Variants in STMN3 observed in about 807,000 individuals in gnomAD.
The protein encoded by STMN3 is stathmin 3.
A neutral mutation model predicts 23.2 loss-of-function variants in STMN3; 24 were observed. The observed-to-expected ratio is 1.03, with a 90% CI of 0.75 to 1.45. The LOEUF (loss-of-function observed/expected upper bound fraction) is 1.45. Ranked by LOEUF, STMN3 falls within the 40% of genes most tolerant of loss-of-function variation. The pLI, the probability that STMN3 is intolerant of heterozygous loss-of-function variation, is 0.00. For synonymous variants in STMN3, 117 were observed against 103.4 expected (o/e 1.13, Z -0.80); for missense variants, 235 against 237.6 (o/e 0.99, Z 0.07).
At chr20:63,645,978 G>A (rs1179406736) in intron 1 of STMN3, among the ~76,000 whole-genome samples, 1 of 151,932 alleles carries the variant, frequency 6.6e-6, no homozygotes, top group African/African-American at 2.4e-5. Context: ...AGAGAGAGAG[G>A]AAGAAAGGAA....
intron 1 of STMN3, among the ~76,000 whole-genome samples, chr20:63,650,126 C>A (rs1245932262): frequency 1.9e-5 from 2 of 107,140 alleles, no homozygotes; most frequent in African/African-American, 7.6e-5. Context: ...CCGCGCCTGG[C>A]CCCCCGCAGT....
intron 4 of STMN3, among the ~76,000 whole-genome samples, 182 bp downstream of exon 4, chr20:63,641,926 C>CTG (rs2089768160): frequency 7.7e-6 from 1 of 130,176 alleles, no homozygotes; most frequent in Non-Finnish European, 1.7e-5. Flanking sequence ...GAGCTCCGCC[C>CTG]CGGCCCCGCC....
At position 63,652,507 on chromosome 20, in the gene STMN3, G is replaced by A; in HGVS notation, c.19+820C>T. On this transcript the variant is annotated intron_variant, in intron 1 of 4. Transcript: ENST00000370053. The surrounding 1 kb of genome is among the most constrained non-coding windows in gnomAD (Gnocchi z 5.3). ...GCGTCCAGAATCCGCCCCCCGCCCG[G>A]GCCTGCGCCCGCCCCTCCGCCTGAG... is the stretch of plus-strand genomic sequence containing the variant. 1 of 924,420 alleles carries A rather than the reference G, an allele frequency of 1.1e-6. No individual in the cohort carries two copies. Among genetic ancestry groups the A allele is most frequent in the South Asian group, 5.0e-5 (1 of 20,074 alleles). 57.3% of individuals were successfully genotyped at this position (924,420 alleles called of 1,614,324 possible). A position where few individuals can be genotyped will look rare whatever the true frequency, so the allele number is the denominator to read the frequency against.
At chr20:63,641,779 C>A (rs983314564) in intron 4 of STMN3, among the ~76,000 whole-genome samples, 1 of 151,776 alleles carries the variant, frequency 6.6e-6, no homozygotes, top group Non-Finnish European at 1.5e-5. Context: ...GCCCCCGACC[C>A]CCACCCCAGC....
At chr20:63,651,709 C>G (rs575181407) in intron 1 of STMN3, among the ~76,000 whole-genome samples, 7 of 152,354 alleles carry the variant, frequency 4.6e-5, no homozygotes. Flanking sequence ...GAGGTGCCAG[C>G]ACCGTCATCT....
At chr20:63,651,030 GCTCA>G (rs2089855003) in intron 1 of STMN3, among the ~76,000 whole-genome samples, 1 of 150,112 alleles carries the variant, frequency 6.7e-6, no homozygotes, top group Non-Finnish European at 1.5e-5. Context: ...CACAATCTCA[GCTCA>G]CTGCAACCTC....
Position 63,640,837 on chromosome 20 carries a change from G to A in STMN3, c.*501C>T, listed in dbSNP as rs1190964679. 8.1e-5 allele frequency: 17 copies of A among 209,750 alleles called. No homozygotes were observed. Among genetic ancestry groups the A allele is most frequent in the Non-Finnish European group, 3.9e-5 (4 of 101,472 alleles). The allele number at this position is 209,750 out of a possible 1,614,324, so 13.0% of individuals were successfully genotyped here. On this transcript the variant is annotated 3_prime_UTR_variant, in exon 5 of 5. Coordinates refer to ENST00000370053, the MANE Select transcript of STMN3 (RefSeq NM_015894.4). ...CCCGCCTGCCAGTTCAACAAGCACC[G>A]GCTGCACACGCAGGCTCCCAGGCAC...
rs2089773839 is a variant in STMN3 at position 63,642,149 on chromosome 20, C to A, written c.442G>T (p.Glu148Ter). The change falls in exon 4 of 5, where the codon GAG (glutamate) becomes TAG (stop). Residue 148 changes from glutamate to a stop codon, truncating the protein, a stop_gained. Transcript: ENST00000370053. LOFTEE classifies it high-confidence loss of function. ...YKMELSKEIR[E>*]AHLAALRERL... ...TCGCGCAGTGCGGCCAGGTGTGCCT[C>A]GCGGATCTCCTTGCTGAGCTCCATC... The A allele has an allele frequency of 6.6e-7, 1 of 1,510,610 alleles. No homozygotes were observed. Among genetic ancestry groups the A allele is most frequent in the Non-Finnish European group, 8.9e-7 (1 of 1,128,342 alleles). 93.6% of individuals were successfully genotyped at this position (1,510,610 alleles called of 1,614,324 possible).
At chr20:63,649,751 C>T (rs1337194689) in intron 1 of STMN3, among the ~76,000 whole-genome samples, 30 of 151,090 alleles carry the variant, frequency 2.0e-4, no homozygotes, top group African/African-American at 7.1e-4. Flanking sequence ...AGGATGGTCT[C>T]GATCTCCTGA....
intron 3 of STMN3, chr20:63,643,526 C>T: frequency 7.1e-6 from 4 of 562,152 alleles, no homozygotes; most frequent in Non-Finnish European, 9.0e-6. Flanking sequence ...AGTGATCTGC[C>T]TGCCTCAGCT....
intron 1 of STMN3, among the ~76,000 whole-genome samples, chr20:63,648,090 A>G (rs1287395672): frequency 1.3e-5 from 2 of 149,154 alleles, no homozygotes; most frequent in Non-Finnish European, 3.0e-5. Flanking sequence ...CTCCCAAAGC[A>G]CTAGGATTAT....
chr20:63,648,811 C>T (rs930303723), intron 1 of STMN3, among the ~76,000 whole-genome samples: 5 of 152,108 alleles, frequency 3.3e-5, no homozygotes, highest in Non-Finnish European at 7.4e-5. Flanking sequence ...CCCCTGTCTG[C>T]CCTAAGCCTG....
chr20:63,641,134 G>A lies in STMN3; in HGVS notation c.*204C>T, dbSNP rs548656196. 1.2e-3 allele frequency: 757 copies of A among 632,540 alleles called. 7 individuals are homozygous for A. The highest frequency in any genetic ancestry group is 1.3e-4 in the Non-Finnish European group (44 of 346,424). 39.2% of individuals were successfully genotyped at this position (632,540 alleles called of 1,614,324 possible). A position where few individuals can be genotyped will look rare whatever the true frequency, so the allele number is the denominator to read the frequency against. ...TCTGCACCGAGGGACCGCGTCTCAC[G>A]CCCGGCGGCTCCTGCAGGGGAAGCC... On this transcript the variant is annotated 3_prime_UTR_variant, in exon 5 of 5. Coordinates refer to ENST00000370053, the MANE Select transcript of STMN3 (RefSeq NM_015894.4).
chr20:63,642,814 G>C (rs549727502), intron 3 of STMN3, among the ~76,000 whole-genome samples: 1 of 152,258 alleles, frequency 6.6e-6, no homozygotes, highest in Non-Finnish European at 1.5e-5. Flanking sequence ...TGACCCCTGG[G>C]AGGAGAGCGG....
At chr20:63,651,478 C>T (rs537001670) in intron 1 of STMN3, among the ~76,000 whole-genome samples, 24 of 152,246 alleles carry the variant, frequency 1.6e-4, no homozygotes, top group Middle Eastern at 3.4e-3. Context: ...CGGCTCCCCC[C>T]GGGGGCAGAT....
chr20:63,642,144 T>G lies in STMN3; in HGVS notation c.447A>C (p.Ala149=). 1 of 1,445,728 alleles carries G rather than the reference T, an allele frequency of 6.9e-7. No homozygotes were observed. Among genetic ancestry groups the G allele is most frequent in the East Asian group, 3.0e-5 (1 of 33,060 alleles). 89.6% of individuals were successfully genotyped at this position (1,445,728 alleles called of 1,614,324 possible). A position where few individuals can be genotyped will look rare whatever the true frequency, so the allele number is the denominator to read the frequency against. ...GCCGCTCGCGCAGTGCGGCCAGGTG[T>G]GCCTCGCGGATCTCCTTGCTGAGCT... ...KMELSKEIRE[A]HLAALRERLR... is the part of the protein sequence containing the mutation. Residue 149 remains alanine (A), a synonymous_variant, in exon 4 of 5, where the codon GCA becomes GCC. Coordinates refer to ENST00000370053, the MANE Select transcript of STMN3 (RefSeq NM_015894.4).
chr20:63,652,569 C>G lies in STMN3; in HGVS notation c.19+758G>C. The G allele has an allele frequency of 2.0e-6, 2 of 985,200 alleles. No individual in the cohort carries two copies. The highest frequency in any genetic ancestry group is 2.4e-6 in the Non-Finnish European group (2 of 829,754). 61.0% of individuals were successfully genotyped at this position (985,200 alleles called of 1,614,324 possible). On this transcript the variant is annotated intron_variant, in intron 1 of 4. Coordinates refer to ENST00000370053, the MANE Select transcript of STMN3 (RefSeq NM_015894.4). The surrounding 1 kb of genome is among the most constrained non-coding windows in gnomAD (Gnocchi z 5.3). ...ACGGGCCGGGAGGCCGGGGTGGGCG[C>G]TACCTTCGAAGGCGGTGGGTCCGCC...
rs774254508 is a variant in STMN3 at position 63,642,131 on chromosome 20, G to T, written c.460C>A (p.Leu154Met). 76 of 1,464,040 alleles carry T rather than the reference G, an allele frequency of 5.2e-5. No individual in the cohort carries two copies. Among genetic ancestry groups the T allele is most frequent in the Non-Finnish European group, 6.6e-5 (73 of 1,098,920 alleles). The allele number at this position is 1,464,040 out of a possible 1,614,324, so 90.7% of individuals were successfully genotyped here. A position where few individuals can be genotyped will look rare whatever the true frequency, so the allele number is the denominator to read the frequency against. ...KEIREAHLAA[L>M]RERLREKELH... ...ACCTTCTCGCGCAGCCGCTCGCGCA[G>T]TGCGGCCAGGTGTGCCTCGCGGATC... Residue 154 changes from leucine (L) to methionine (M), a missense_variant, in exon 4 of 5, where the codon CTG becomes ATG. Coordinates refer to ENST00000370053, the MANE Select transcript of STMN3 (RefSeq NM_015894.4).
At position 63,642,159 on chromosome 20, in the gene STMN3, C is replaced by A; in HGVS notation, c.432G>T (p.Lys144Asn). The A allele has an allele frequency of 6.4e-7, 1 of 1,552,930 alleles. No individual in the cohort carries two copies. Residue 144 changes from lysine (K) to asparagine (N), a missense_variant, in exon 4 of 5, where the codon AAG becomes AAT. Lys to Asn is a moderately conservative substitution (Grantham distance 94). Coordinates refer to ENST00000370053, the MANE Select transcript of STMN3 (RefSeq NM_015894.4). ...CGGCCAGGTGTGCCTCGCGGATCTC[C>A]TTGCTGAGCTCCATCTTGTAGTTGA... ...EKLNYKMELS[K>N]EIREAHLAAL...
Sources: allele counts gnomAD v4.1 joint callset (sites outside exome capture counted in the v4.1 genomes callset), GRCh38; gene constraint gnomAD v4.1.1; non-coding constraint Gnocchi (gnomAD v3.1); transcripts MANE v1.5; gene names NCBI Gene and HGNC (gene_info 2026-07-23, HGNC 2026-07-21).